TTC28: variants seen among roughly 807,000 people sequenced by gnomAD.
TTC28 encodes tetratricopeptide repeat domain 28.
A neutral mutation model predicts 198.0 loss-of-function variants in TTC28; 61 were observed. The ratio of observed to expected loss-of-function variants is 0.31; its 90% CI spans 0.25 to 0.38. TTC28 has a LOEUF of 0.38. Among genes scored for constraint, TTC28 ranks in the 10% least tolerant of loss-of-function variants. The pLI is 1.00. For synonymous variants in TTC28, 1,171 were observed against 1,297.8 expected (o/e 0.90, Z 2.10); for missense variants, 2,678 against 3,164.0 (o/e 0.85, Z 3.69).
rs776057134 is a variant in TTC28 at position 28,014,282 on chromosome 22, G to A, written c.4184C>T (p.Ala1395Val). Residue 1395 changes from alanine to valine, a missense_variant, in exon 14 of 23, where the codon GCC becomes GTC. By Grantham distance (64) the Ala-to-Val change is moderately conservative. Coordinates refer to ENST00000397906, the MANE Select transcript of TTC28 (RefSeq NM_001145418.2). The stretch of plus-strand genomic sequence containing the variant: ...GGGCGCGATGAGCAGGTCATACAGG[G>A]CACGGAGCGGGGGCTTGGCAAACGA... Reference protein sequence around the residue: ...QSSFAKPPLRALYDLLIAPME... With the variant: ...QSSFAKPPLRVLYDLLIAPME... The A allele has an allele frequency of 6.4e-7, 1 of 1,551,658 alleles. No individual in the cohort carries two copies. Among genetic ancestry groups the A allele is most frequent in the Admixed American group, 2.0e-5 (1 of 50,998 alleles).
Position 28,163,199 on chromosome 22 carries a change from C to T in TTC28, c.1334G>A (p.Arg445Lys). Residue 445 changes from arginine (R) to lysine (K), a missense_variant, in exon 6 of 23, where the codon AGG becomes AAG. Arg to Lys is a conservative substitution (Grantham distance 26, BLOSUM62 2). Around this residue, in one of 8 missense-constraint regions of TTC28, gnomAD observed 775 missense variants for 845.9 expected, o/e 0.92. Transcript: ENST00000397906. The stretch of plus-strand genomic sequence containing the variant: ...AGCTCTCTCCAAATCCTGCATGCAC[C>T]TGGCAGCATGGCCTAGTCCAGCATA... ...RAYAGLGHAA[R>K]CMQDLERAKQ... 1.3e-6 allele frequency: 2 copies of T among 1,551,756 alleles called. No homozygotes were observed. The highest frequency in any genetic ancestry group is 1.7e-6 in the Non-Finnish European group (2 of 1,147,022).
intron 5 of TTC28, among the ~76,000 whole-genome samples, chr22:28,254,053 G>A (rs902997119): frequency 1.3e-5 from 2 of 149,374 alleles, no homozygotes; most frequent in Non-Finnish European, 1.5e-5. Context: ...GCAGTGAGCC[G>A]AGATAACACC....
intron 12 of TTC28, among the ~76,000 whole-genome samples, chr22:28,083,247 C>T (rs1941432685): frequency 1.3e-5 from 2 of 152,006 alleles, no homozygotes; most frequent in African/African-American, 2.4e-5. Context: ...AGATCCAGAG[C>T]TCAGAGACCC....
intron 5 of TTC28, among the ~76,000 whole-genome samples, chr22:28,188,568 T>G (rs1924419227): frequency 6.6e-6 from 1 of 152,116 alleles, no homozygotes; most frequent in African/African-American, 2.4e-5. Context: ...GGGGCCAAGA[T>G]GGGGGCCTAC....
intron 2 of TTC28, among the ~76,000 whole-genome samples, chr22:28,521,028 G>T (rs1222961872): frequency 6.6e-6 from 1 of 152,106 alleles, no homozygotes; most frequent in Non-Finnish European, 1.5e-5. Flanking sequence ...CTCCAGCCTG[G>T]GTGACAGGGC....
intron 5 of TTC28, among the ~76,000 whole-genome samples, chr22:28,243,500 G>C (rs932083437): frequency 6.7e-6 from 1 of 149,906 alleles, no homozygotes; most frequent in Non-Finnish European, 1.5e-5. Context: ...AGAAATTTAA[G>C]ACTGGTATTT....
intron 10 of TTC28, among the ~76,000 whole-genome samples, chr22:28,098,614 C>T (rs1040217169): frequency 6.6e-6 from 1 of 151,716 alleles, no homozygotes; most frequent in East Asian, 1.9e-4. Context: ...TAGTGCCAAT[C>T]AGCACTGTAC....
intron 6 of TTC28, among the ~76,000 whole-genome samples, chr22:28,161,758 A>C (rs58546631): frequency 1.5e-5 from 2 of 134,012 alleles, no homozygotes; most frequent in African/African-American, 2.7e-5. Flanking sequence ...CAGGACAGGA[A>C]AGGAAAGGAG....
intron 1 of TTC28, among the ~76,000 whole-genome samples, chr22:28,644,398 C>CA (rs550663869): frequency 0.017 from 1,967 of 114,594 alleles, 54 homozygotes; most frequent in East Asian, 0.11. Flanking sequence ...GACTCCATCT[C>CA]AAAAAAAAAA....
chr22:28,207,103 C>G (rs1415589604), intron 5 of TTC28, among the ~76,000 whole-genome samples: 2 of 151,488 alleles, frequency 1.3e-5, no homozygotes, highest in African/African-American at 4.9e-5. Flanking sequence ...TATCTATCAC[C>G]AAGGTTATCT....
chr22:28,058,394 G>A (rs1940379093), intron 12 of TTC28, among the ~76,000 whole-genome samples: 1 of 152,024 alleles, frequency 6.6e-6, no homozygotes, highest in Admixed American at 6.6e-5. Flanking sequence ...GGGAAGAGCT[G>A]ACATCTTAAC....
intron 1 of TTC28, among the ~76,000 whole-genome samples, chr22:28,630,846 A>AT (rs1367575030): frequency 5.9e-5 from 9 of 152,216 alleles, no homozygotes; most frequent in African/African-American, 2.2e-4. Context: ...AATAAATGCA[A>AT]AAGAGTACTC....
At chr22:28,415,278 G>A (rs190761340) in intron 2 of TTC28, among the ~76,000 whole-genome samples, 2 of 151,530 alleles carry the variant, frequency 1.3e-5, no homozygotes, top group African/African-American at 4.9e-5. Flanking sequence ...AATTTTAAAT[G>A]AAAAAAACAG....
chr22:28,560,171 C>T (rs2049845985), intron 2 of TTC28, among the ~76,000 whole-genome samples: 1 of 152,188 alleles, frequency 6.6e-6, no homozygotes. Context: ...AAATTCAAAT[C>T]CCTCCAAATC....
intron 2 of TTC28, among the ~76,000 whole-genome samples, chr22:28,489,711 AG>A (rs1247038591): frequency 2.6e-5 from 4 of 152,142 alleles, no homozygotes; most frequent in Admixed American, 2.6e-4. Flanking sequence ...GTTTGAGCCC[AG>A]GAGTTCAAGA....
chr22:28,334,316 G>T (rs1175365566), intron 2 of TTC28, among the ~76,000 whole-genome samples: 1 of 152,070 alleles, frequency 6.6e-6, no homozygotes, highest in Non-Finnish European at 1.5e-5. Flanking sequence ...AAACATATGT[G>T]TGCATGTGTC....
chr22:28,298,797 T>G (rs1422656788), intron 3 of TTC28, among the ~76,000 whole-genome samples: 3 of 152,082 alleles, frequency 2.0e-5, no homozygotes, highest in African/African-American at 7.2e-5. Flanking sequence ...CTGTCCATAT[T>G]TTTTCCTAGA....
intron 5 of TTC28, among the ~76,000 whole-genome samples, chr22:28,262,194 G>A (rs1216246650): frequency 2.0e-5 from 3 of 152,022 alleles, no homozygotes; most frequent in African/African-American, 4.8e-5. Context: ...GTGATACTAG[G>A]CAAAATAAAA....
intron 2 of TTC28, among the ~76,000 whole-genome samples, chr22:28,370,225 C>G (rs1384287610): frequency 6.6e-6 from 1 of 152,206 alleles, no homozygotes; most frequent in African/African-American, 2.4e-5. Flanking sequence ...GCTACAGCTT[C>G]TATCACACAG....
Sources: gnomAD v4.1 joint callset for allele counts (sites outside exome capture counted in the v4.1 genomes callset) on GRCh38, gnomAD v4.1.1 for gene constraint, gnomAD v4.1.1 regional missense constraint, MANE v1.5 for transcripts, NCBI Gene and HGNC (gene_info 2026-07-23, HGNC 2026-07-21) for gene names.